Variants in MBNL1 observed in about 807,000 individuals in gnomAD.
The protein encoded by MBNL1 is muscleblind like splicing regulator 1.
In MBNL1, 8 loss-of-function variants were observed where a neutral mutation model predicts 42.2. The observed-to-expected ratio is 0.19, with a 90% confidence interval of 0.11 to 0.34. The LOEUF (loss-of-function observed/expected upper bound fraction) is 0.34. Among genes scored for constraint, MBNL1 ranks in the 10% least tolerant of loss-of-function variants. MBNL1 has a pLI of 1.00. For synonymous variants in MBNL1, 169 were observed against 173.9 expected (o/e 0.97, Z 0.22); for missense variants, 309 against 495.3 (o/e 0.62, Z 3.57).
intron 2 of MBNL1, among the ~76,000 whole-genome samples, chr3:152,366,869 T>G (rs1484306818): frequency 6.6e-6 from 1 of 152,178 alleles, no homozygotes; most frequent in Non-Finnish European, 1.5e-5. Context: ...TTATTTTCCC[T>G]TAATTAACAG....
chr3:152,326,850 T>C (rs2080633762), intron 2 of MBNL1, among the ~76,000 whole-genome samples: 1 of 151,804 alleles, frequency 6.6e-6, no homozygotes, highest in Non-Finnish European at 1.5e-5. Context: ...TCTCCCAGGC[T>C]GGAGTGCAGT....
In MBNL1 at chr3:152,390,143, A is replaced by G. The variant is rs188586485; in HGVS notation, c.175-24798A>G. Among the ~76,000 whole-genome samples, 266 of 151,582 alleles carry G rather than the reference A, an allele frequency of 1.8e-3. 2 individuals carry two copies. The highest frequency in any genetic ancestry group is 6.0e-3 in the African/African-American group (248 of 41,394). ...TCGGCCTCCCAAAGAACTTTTTTAAATTTATAATTAAAAAAAAAAAAACTT... is the reference window on the plus strand; with the variant it reads ...TCGGCCTCCCAAAGAACTTTTTTAAGTTTATAATTAAAAAAAAAAAAACTT... On this transcript the variant is annotated intron_variant, in intron 2 of 9. Coordinates refer to ENST00000324210, the MANE Select transcript of MBNL1 (RefSeq NM_021038.5).
At chr3:152,397,520 C>T (rs566411054) in intron 2 of MBNL1, among the ~76,000 whole-genome samples, 1 of 152,280 alleles carries the variant, frequency 6.6e-6, no homozygotes, top group South Asian at 2.1e-4. Flanking sequence ...ATCCATGTCC[C>T]TGCAAAGGAC....
At chr3:152,255,098 G>A (rs1030668485) in intron 2 of MBNL1, among the ~76,000 whole-genome samples, 2 of 152,044 alleles carry the variant, frequency 1.3e-5, no homozygotes, top group Non-Finnish European at 2.9e-5. Context: ...TTACAATTTG[G>A]TGGAGTAAAT....
At chr3:152,437,537 G>A (rs889528409) in intron 4 of MBNL1, among the ~76,000 whole-genome samples, 3 of 152,050 alleles carry the variant, frequency 2.0e-5, no homozygotes, top group Non-Finnish European at 4.4e-5. Flanking sequence ...AATCTCTAAG[G>A]TCACTTCCAG....
At chr3:152,282,357 T>C (rs1030170447) in intron 1 of MBNL1, among the ~76,000 whole-genome samples, 12 of 152,166 alleles carry the variant, frequency 7.9e-5, no homozygotes, top group African/African-American at 2.9e-4. Context: ...TGTGTGTGTG[T>C]GTATTCAGAT....
At chr3:152,415,185 T>G in intron 3 of MBNL1, 74 bp downstream of exon 3, 2 of 1,351,080 alleles carry the variant, frequency 1.5e-6, no homozygotes, top group Admixed American at 2.9e-5. Flanking sequence ...AAGTGATTAT[T>G]GCACCGGATC....
intron 2 of MBNL1, chr3:152,340,791 G>A: frequency 6.2e-7 from 1 of 1,613,994 alleles, no homozygotes; most frequent in Non-Finnish European, 8.5e-7. Context: ...CAGCAGAAGG[G>A]GACTGGACAG....
intron 2 of MBNL1, among the ~76,000 whole-genome samples, chr3:152,375,125 C>T (rs1186012269): frequency 6.6e-6 from 1 of 152,154 alleles, no homozygotes; most frequent in African/African-American, 2.4e-5. Context: ...CAGGCGTGTG[C>T]CACCACACTT....
At chr3:152,444,020 T>C (rs1278712674) in intron 4 of MBNL1, among the ~76,000 whole-genome samples, 1 of 152,216 alleles carries the variant, frequency 6.6e-6, no homozygotes, top group Non-Finnish European at 1.5e-5. Context: ...ATGCAATCAT[T>C]GTATTTATAC....
intron 4 of MBNL1, among the ~76,000 whole-genome samples, chr3:152,442,215 A>T (rs2099154308): frequency 6.6e-6 from 1 of 152,224 alleles, no homozygotes; most frequent in South Asian, 2.1e-4. Flanking sequence ...ATTACTTGTA[A>T]TATGGAAATA....
At chr3:152,294,278 CT>C (rs201018898) in intron 1 of MBNL1, among the ~76,000 whole-genome samples, 473 of 121,020 alleles carry the variant, frequency 3.9e-3, no homozygotes, top group African/African-American at 0.012. Flanking sequence ...AAGTTTGATT[CT>C]TTTTTTTTTT....
upstream of MBNL1, chr3:152,268,577 G>A: frequency 5.6e-6 from 2 of 354,688 alleles, no homozygotes; most frequent in South Asian, 2.0e-5. Flanking sequence ...CTGCACGCCC[G>A]CCGCGAGGTT....
intron 3 of MBNL1, among the ~76,000 whole-genome samples, chr3:152,417,841 G>T (rs1297872417): frequency 6.6e-6 from 1 of 152,206 alleles, no homozygotes; most frequent in African/African-American, 2.4e-5. Flanking sequence ...CATATCAGCA[G>T]ATTATTAGCA....
chr3:152,432,853 C>A lies in MBNL1; in HGVS notation c.482C>A (p.Pro161Gln). 1.2e-6 allele frequency: 2 copies of A among 1,614,100 alleles called. No homozygotes were observed. The highest frequency in any genetic ancestry group is 4.5e-5 in the East Asian group (2 of 44,876). The change falls in exon 4 of 10, where the codon CCG becomes CAG. Residue 161 changes from proline (P) to glutamine (Q), a missense_variant. Coordinates refer to ENST00000324210, the MANE Select transcript of MBNL1 (RefSeq NM_021038.5). ...GCACCAATGTTGGTTACAGGGAATC[C>A]GGGTGTCCCTGTACCTGCAGCTGCT... Reference protein sequence around the residue: ...PTAPMLVTGNPGVPVPAAAAA... With the variant: ...PTAPMLVTGNQGVPVPAAAAA...
intron 2 of MBNL1, among the ~76,000 whole-genome samples, chr3:152,389,775 T>A (rs2097604810): frequency 6.6e-6 from 1 of 152,196 alleles, no homozygotes; most frequent in Admixed American, 6.5e-5. Context: ...CCTCAGAGAT[T>A]ACTATACATG....
intron 1 of MBNL1, among the ~76,000 whole-genome samples, chr3:152,294,915 A>G (rs1430458681): frequency 6.6e-6 from 1 of 152,164 alleles, no homozygotes; most frequent in Admixed American, 6.5e-5. Context: ...TCTTTTTTTA[A>G]TATAGAGAAG....
chr3:152,412,890 C>A (rs1325917732), intron 2 of MBNL1, among the ~76,000 whole-genome samples: 1 of 152,140 alleles, frequency 6.6e-6, no homozygotes, highest in Non-Finnish European at 1.5e-5. Context: ...GTGACCATAA[C>A]CCCTCTCACC....
intron 2 of MBNL1, among the ~76,000 whole-genome samples, chr3:152,393,933 GA>G (rs1462990181): frequency 6.6e-6 from 1 of 151,992 alleles, no homozygotes; most frequent in East Asian, 1.9e-4. Flanking sequence ...AATTTTTTCT[GA>G]GAACTATACT....
Sources: gnomAD v4.1 joint callset for allele counts (sites outside exome capture counted in the v4.1 genomes callset) on GRCh38, gnomAD v4.1.1 for gene constraint, MANE v1.5 for transcripts, NCBI Gene and HGNC (gene_info 2026-07-23, HGNC 2026-07-21) for gene names.